The following KCTD1 variants were observed in gnomAD, a reference collection of about 807,000 sequenced individuals.
KCTD1 encodes potassium channel tetramerization domain containing 1.
In KCTD1, 24 loss-of-function variants were observed where a neutral mutation model predicts 66.0. The observed-to-expected ratio is 0.36, with a 90% CI of 0.26 to 0.51. The LOEUF (loss-of-function observed/expected upper bound fraction) is 0.51. KCTD1 is among the 20% of genes least tolerant of loss of function. The pLI, the probability that KCTD1 is intolerant of heterozygous loss-of-function variation, is 0.95. For missense variants in KCTD1, 943 were observed against 1,205.2 expected (o/e 0.78, Z 3.22); for synonymous variants, 511 against 517.2 (o/e 0.99, Z 0.16).
chr18:26,457,127 A>AAATT (rs751909996), intron 4 of KCTD1: 2 of 151,632 alleles, frequency 1.3e-5, no homozygotes, highest in African/African-American at 4.9e-5. Flanking sequence ...TGTTTTCTAA[A>AAATT]AATTAATTAA....
intron 1 of KCTD1, among the ~76,000 whole-genome samples, chr18:26,509,176 C>G (rs1027255207): frequency 6.7e-6 from 1 of 149,746 alleles, no homozygotes; most frequent in Non-Finnish European, 1.5e-5. Context: ...AAAAAACAAA[C>G]TCGGCAGTGA....
chr18:26,471,597 CT>C (rs1246326121), intron 3 of KCTD1, among the ~76,000 whole-genome samples: 2 of 151,952 alleles, frequency 1.3e-5, no homozygotes, highest in African/African-American at 4.8e-5. Context: ...GTGGGCATAA[CT>C]GTCAAATGAC....
intron 1 of KCTD1, among the ~76,000 whole-genome samples, chr18:26,649,592 T>G (rs1238298090): frequency 2.0e-5 from 3 of 152,112 alleles, no homozygotes; most frequent in Non-Finnish European, 4.4e-5. Context: ...CACTGCAACC[T>G]CCGCCTCCTG....
chr18:26,476,508 C>T lies in KCTD1; in HGVS notation c.2133+7G>A, dbSNP rs1254825287. ...ATGCTATTGGTGATTTAACATGGAT[C>T]CCTCACCTTGAAATCATCAGGAATG... On this transcript the variant is annotated splice_region_variant and intron_variant, in intron 3 of 4. Coordinates refer to ENST00000580059, the MANE Select transcript of KCTD1 (RefSeq NM_001142730.3). The surrounding 1 kb of genome is among the most constrained non-coding windows in gnomAD (Gnocchi z 4.9). The T allele has an allele frequency of 1.2e-6, 2 of 1,601,528 alleles. No homozygotes were observed. Among genetic ancestry groups the T allele is most frequent in the Non-Finnish European group, 1.7e-6 (2 of 1,176,822 alleles).
chr18:26,546,934 C>A lies in KCTD1; in HGVS notation c.1603G>T (p.Ala535Ser), dbSNP rs1283688892. ...GACCCGAACACAGACTCGTACAGGG[C>A]GCGCTTGGGCGCAGCCTCGGATTTC... ...DVKSEAAPKR[A>S]LYESVFGSGE... The change falls in exon 1 of 5, where the codon GCC (alanine) becomes TCC (serine). Residue 535 changes from alanine (A) to serine (S), a missense_variant. Ala to Ser is a moderately conservative substitution (Grantham distance 99, BLOSUM62 1). Coordinates refer to ENST00000580059, the MANE Select transcript of KCTD1 (RefSeq NM_001142730.3). The A allele has an allele frequency of 2.7e-6, 4 of 1,475,464 alleles. No homozygotes were observed. Among genetic ancestry groups the A allele is most frequent in the East Asian group, 5.0e-5 (2 of 39,812 alleles). The allele number at this position is 1,475,464 out of a possible 1,614,324, so 91.4% of individuals were successfully genotyped here.
At chr18:26,533,502 T>C (rs1051180397) in intron 1 of KCTD1, among the ~76,000 whole-genome samples, 4 of 152,172 alleles carry the variant, frequency 2.6e-5, no homozygotes, top group African/African-American at 9.7e-5. Flanking sequence ...CTTTTCTAGC[T>C]AAGTGGCCAT....
At chr18:26,488,765 T>G (rs1383592730) in intron 2 of KCTD1, among the ~76,000 whole-genome samples, 1 of 152,138 alleles carries the variant, frequency 6.6e-6, no homozygotes, top group Non-Finnish European at 1.5e-5. Flanking sequence ...CCAGAAAAGA[T>G]AAACAGCAAT....
chr18:26,626,552 C>A (rs1987506533), intron 1 of KCTD1, among the ~76,000 whole-genome samples: 1 of 150,992 alleles, frequency 6.6e-6, no homozygotes, highest in South Asian at 2.1e-4. Flanking sequence ...TACGGCTCAC[C>A]ACAGCCTCCA....
In KCTD1 at chr18:26,547,487, G is replaced by A. The variant is rs1210366432; in HGVS notation, c.1050C>T (p.Ser350=). Residue 350 remains serine, a synonymous_variant, in exon 1 of 5, where the codon TCC becomes TCT. Transcript: ENST00000580059. ...AGCGCGACTTGTGGTAGGGCCCGAG[G>A]GACTTGAAGTAGACGAACTTGCGAC... The part of the protein sequence containing the change: ...EDGRKFVYFK[S]LGPYHKSRSS... The A allele has an allele frequency of 1.3e-6, 2 of 1,551,430 alleles. No individual in the cohort carries two copies. The highest frequency in any genetic ancestry group is 2.4e-5 in the East Asian group (1 of 40,938).
upstream of KCTD1, among the ~76,000 whole-genome samples, chr18:26,630,964 T>G (rs1987606475): frequency 6.6e-6 from 1 of 152,124 alleles, no homozygotes; most frequent in Non-Finnish European, 1.5e-5. Context: ...CATCTGCAAC[T>G]GCGATCTTGA....
In KCTD1 at chr18:26,600,086, A is replaced by G. The variant is rs1030424504; in HGVS notation, c.-16+29061T>C. On this transcript the variant is annotated intron_variant, in intron 1 of 4. Coordinates refer to the KCTD1 transcript ENST00000317932. ...GATCCAGAAGATTTGAAGAAGCCAG[A>G]TCCGGCTTCCCTGCAGGCTGCTTCT... The G allele has an allele frequency of 6.2e-6, 10 of 1,610,850 alleles. No homozygotes were observed. In the African/African-American group the frequency reaches 1.1e-4, roughly 17 times the overall value.
Position 26,459,818 on chromosome 18 carries a change from G to A in KCTD1, c.2241C>T (p.Pro747=), listed in dbSNP as rs758133534. 1 of 1,614,166 alleles carries A rather than the reference G, an allele frequency of 6.2e-7. No individual in the cohort carries two copies. The highest frequency in any genetic ancestry group is 1.7e-5 in the Admixed American group (1 of 60,022). Residue 747 remains proline, a synonymous_variant, in exon 4 of 5, where the codon CCC becomes CCT. Transcript: ENST00000580059. ...CCACACGCACGACGAGGCACTCACA[G>A]GGCCTTGAAAATCGACCAGTTTCTC... ...QDRETGRFSR[P]CECLVVRVAP...
intron 2 of KCTD1, among the ~76,000 whole-genome samples, chr18:26,479,345 G>A (rs1280914783): frequency 2.0e-5 from 3 of 152,136 alleles, no homozygotes; most frequent in African/African-American, 7.2e-5. Context: ...TTATGAGGGG[G>A]TCCAGTCAAA....
chr18:26,520,452 C>T (rs759646897), intron 1 of KCTD1, among the ~76,000 whole-genome samples: 2 of 152,122 alleles, frequency 1.3e-5, no homozygotes, highest in Non-Finnish European at 2.9e-5. Context: ...AAGTATAATC[C>T]TTGCTTTTTA....
At position 26,611,197 on chromosome 18, in the gene KCTD1, T is replaced by C. The variant is rs2144992922; in HGVS notation, c.-16+17950A>G. 2.6e-5 allele frequency among the ~76,000 whole-genome samples: 4 copies of C among 152,332 alleles called. No homozygotes were observed. In the South Asian group the frequency reaches 8.3e-4, roughly 32 times the overall value. On this transcript the variant is annotated intron_variant, in intron 1 of 4. Coordinates refer to the KCTD1 transcript ENST00000317932. ...GGTGTCTGTTGCTATGTCTTCAACATCATTAATCTTTTCACCTGCAATGTC... is the reference window on the plus strand; with the variant it reads ...GGTGTCTGTTGCTATGTCTTCAACACCATTAATCTTTTCACCTGCAATGTC...
At chr18:26,623,320 C>T (rs996429078) in intron 1 of KCTD1, among the ~76,000 whole-genome samples, 2 of 152,144 alleles carry the variant, frequency 1.3e-5, no homozygotes, top group African/African-American at 2.4e-5. Context: ...TAAGAGGTAT[C>T]CCCATTTTGG....
chr18:26,465,047 G>T (rs1242314747), intron 3 of KCTD1, among the ~76,000 whole-genome samples: 1 of 152,142 alleles, frequency 6.6e-6, no homozygotes, highest in Non-Finnish European at 1.5e-5. Flanking sequence ...GGGTACTAAA[G>T]CTCTTAATTG....
At position 26,476,529 on chromosome 18, in the gene KCTD1, G is replaced by GT; in HGVS notation, c.2118_2119insA (p.Pro707ThrfsTer2). 6.2e-7 allele frequency: 1 copy of GT among 1,612,244 alleles called. No individual in the cohort carries two copies. Among genetic ancestry groups the GT allele is most frequent in the Non-Finnish European group, 8.5e-7 (1 of 1,179,502 alleles). ...GGATCCCTCACCTTGAAATCATCAG[G>GT]AATGAGGAGTTTGGATGTTCGTAGA... On this transcript the variant is annotated frameshift_variant, in exon 3 of 5. Transcript: ENST00000580059. LOFTEE classifies it high-confidence loss of function. The surrounding 1 kb of genome is among the most constrained non-coding windows in gnomAD (Gnocchi z 4.9).
At chr18:26,510,800 C>T (rs889187690) in intron 1 of KCTD1, among the ~76,000 whole-genome samples, 4 of 152,152 alleles carry the variant, frequency 2.6e-5, no homozygotes, top group African/African-American at 9.7e-5. Flanking sequence ...ATACATTCTA[C>T]AGCTCAAATA....
Sources: gnomAD v4.1 joint callset for allele counts (sites outside exome capture counted in the v4.1 genomes callset) on GRCh38, gnomAD v4.1.1 for gene constraint, Gnocchi (gnomAD v3.1) non-coding constraint, MANE v1.5 for transcripts, NCBI Gene and HGNC (gene_info 2026-07-23, HGNC 2026-07-21) for gene names.